CREBZF: variants seen among roughly 807,000 people sequenced by gnomAD.
The protein encoded by CREBZF is HCF-binding transcription factor Zhangfei.
Under a neutral mutation model 21.1 loss-of-function variants are expected in CREBZF, and 8 were observed. That is an observed-to-expected ratio of 0.38 (90% CI 0.22 to 0.68). The LOEUF is 0.68. Among genes scored for constraint, CREBZF ranks in the 30% least tolerant of loss-of-function variants. The probability of loss-of-function intolerance (pLI) is 0.51; values close to 1 mark genes in which losing one functional copy is unlikely to be tolerated. For missense variants in CREBZF, 518 were observed against 484.3 expected, an observed-to-expected ratio of 1.07 and a Z score of -0.65; for synonymous variants, 270 against 223.3, an observed-to-expected ratio of 1.21 and a Z score of -1.86.
At position 85,661,440 on chromosome 11, in the gene CREBZF, T is replaced by C. The variant is rs1398446796; in HGVS notation, c.*2371A>G. The stretch of plus-strand genomic sequence containing the variant: ...ATCCTTCCATTTTCAAAAGTTCTTA[T>C]CAAGTAATTCCAAAAACTGCCATTT... On this transcript the variant is annotated 3_prime_UTR_variant, in exon 1 of 1. Transcript: ENST00000527447. The C allele has an allele frequency of 6.6e-6, 1 of 152,514 alleles. No homozygotes were observed. Among genetic ancestry groups the C allele is most frequent in the Admixed American group, 6.5e-5 (1 of 15,272 alleles). The allele number at this position is 152,514 out of a possible 1,614,324, so 9.4% of individuals were successfully genotyped here.
chr11:85,682,644 T>C, intron 1 of CREBZF: 1 of 273,516 alleles, frequency 3.7e-6, no homozygotes, highest in Non-Finnish European at 6.8e-6. Flanking sequence ...TCTTCCCCCA[T>C]ATAACGTGGA....
intron 1 of CREBZF, among the ~76,000 whole-genome samples, chr11:85,682,220 T>C (rs527648440): frequency 1.3e-5 from 2 of 152,178 alleles, no homozygotes; most frequent in African/African-American, 2.4e-5. Context: ...TAGTCTCCCT[T>C]TTTTTTCATC....
At chr11:85,680,141 C>T (rs555035120) in intron 1 of CREBZF, among the ~76,000 whole-genome samples, 2 of 152,296 alleles carry the variant, frequency 1.3e-5, no homozygotes, top group East Asian at 3.9e-4. Flanking sequence ...CCCCTCTCCT[C>T]CTCTCCCCCT....
rs1248925164 is a variant in CREBZF at position 85,662,325 on chromosome 11, A to G, written c.*1486T>C. ...TGGAAAATACTTTTTAATTATGAACATGTTAAAAATAAAAAACAGCAGAAG... is the reference window on the plus strand; with the variant it reads ...TGGAAAATACTTTTTAATTATGAACGTGTTAAAAATAAAAAACAGCAGAAG... On this transcript the variant is annotated 3_prime_UTR_variant, in exon 1 of 1. Coordinates refer to ENST00000527447, the MANE Select transcript of CREBZF (RefSeq NM_001039618.4). 16 of 687,256 alleles carry G rather than the reference A, an allele frequency of 2.3e-5. No individual in the cohort carries two copies. Among genetic ancestry groups the G allele is most frequent in the Non-Finnish European group, 4.1e-5 (15 of 369,228 alleles). 42.6% of individuals were successfully genotyped at this position (687,256 alleles called of 1,614,324 possible). A position where few individuals can be genotyped will look rare whatever the true frequency, so the allele number is the denominator to read the frequency against.
At chr11:85,670,084 G>T (rs564942582), upstream of CREBZF, among the ~76,000 whole-genome samples, 1 of 152,194 alleles carries the variant, frequency 6.6e-6, no homozygotes, top group South Asian at 2.1e-4. Flanking sequence ...TGGGATTACA[G>T]GTGTGAGCCA....
In CREBZF at chr11:85,664,736, G is replaced by A. The variant is rs778470674; in HGVS notation, c.140C>T (p.Ala47Val). The A allele has an allele frequency of 1.7e-5, 28 of 1,605,330 alleles. No individual in the cohort carries two copies. Among genetic ancestry groups the A allele is most frequent in the Middle Eastern group, 1.8e-4 (1 of 5,452 alleles). The change falls in exon 1 of 1, where the codon GCG (alanine) becomes GTG (valine). Residue 47 changes from alanine (A) to valine (V), a missense_variant. By Grantham distance (64) the Ala-to-Val change is moderately conservative. Transcript: ENST00000527447. The surrounding 1 kb of genome is among the most constrained non-coding windows in gnomAD (Gnocchi z 5.5). The part of the protein sequence containing the change: ...RAAAGEEETA[A>V]AGSPGRKQQF... ...CTGCTTGCGGCCGGGAGATCCGGCC[G>A]CCGCCGTCTCCTCCTCCCCCGCTGC...
intron 1 of CREBZF, among the ~76,000 whole-genome samples, chr11:85,679,820 C>T (rs946366139): frequency 6.6e-6 from 1 of 152,204 alleles, no homozygotes; most frequent in Non-Finnish European, 1.5e-5. Flanking sequence ...TAAAATATGC[C>T]GTGCCTACCC....
chr11:85,680,146 C>T (rs1225195876), intron 1 of CREBZF, among the ~76,000 whole-genome samples: 1 of 152,188 alleles, frequency 6.6e-6, no homozygotes, highest in Non-Finnish European at 1.5e-5. Flanking sequence ...CTCCTCCTCT[C>T]CCCCTTACAC....
chr11:85,682,553 C>T (rs1411677235), intron 1 of CREBZF, among the ~76,000 whole-genome samples: 2 of 152,106 alleles, frequency 1.3e-5, no homozygotes, highest in Admixed American at 6.6e-5. Context: ...CAACTGGGCT[C>T]GTTCCCCTGC....
chr11:85,682,660 TG>T (rs1191440625), intron 1 of CREBZF: 16 of 439,986 alleles, frequency 3.6e-5, no homozygotes, highest in African/African-American at 2.8e-4. Context: ...GTGGAGTCCC[TG>T]GAGCCCACTC....
Position 85,663,418 on chromosome 11 carries a change from A to G in CREBZF, c.*393T>C, listed in dbSNP as rs2082743674. The G allele has an allele frequency of 1.5e-6, 1 of 684,580 alleles. No individual in the cohort carries two copies. Among genetic ancestry groups the G allele is most frequent in the African/African-American group, 1.8e-5 (1 of 54,796 alleles). The allele number at this position is 684,580 out of a possible 1,614,324, so 42.4% of individuals were successfully genotyped here. On this transcript the variant is annotated 3_prime_UTR_variant, in exon 1 of 1. Coordinates refer to ENST00000527447, the MANE Select transcript of CREBZF (RefSeq NM_001039618.4). ...AATTAGATTTCCCTCCCACCTTCCA[A>G]AACAGAAAAAAAAAAAAAAATCACA...
At position 85,660,784 on chromosome 11, in the gene CREBZF, G is replaced by A; in HGVS notation, c.*3027C>T. On this transcript the variant is annotated 3_prime_UTR_variant, in exon 1 of 1. Coordinates refer to ENST00000527447, the MANE Select transcript of CREBZF (RefSeq NM_001039618.4). ...TAAGTCAATATGATAGAAATAGTAG[G>A]TCAAAATATGATGTGTTAGTTCAAT... The A allele has an allele frequency of 3.5e-6, 1 of 285,110 alleles. No homozygotes were observed. Among genetic ancestry groups the A allele is most frequent in the Non-Finnish European group, 6.9e-6 (1 of 145,978 alleles). 17.7% of individuals were successfully genotyped at this position (285,110 alleles called of 1,614,324 possible). A position where few individuals can be genotyped will look rare whatever the true frequency, so the allele number is the denominator to read the frequency against.
chr11:85,659,003 T>G lies in CREBZF; in HGVS notation c.*4808A>C, dbSNP rs1222595177. On this transcript the variant is annotated 3_prime_UTR_variant, in exon 1 of 1. Transcript: ENST00000527447. ...GAGTACTGAGGCTACACAGAGGTAC[T>G]GAAATTCAAATCTGAAAAATACTGT... Among the ~76,000 whole-genome samples, 1 of 152,044 alleles carries G rather than the reference T, an allele frequency of 6.6e-6. No homozygotes were observed. The highest frequency in any genetic ancestry group is 1.5e-5 in the Non-Finnish European group (1 of 67,908).
chr11:85,664,041 G>A lies in CREBZF; in HGVS notation c.835C>T (p.Arg279Cys), dbSNP rs753932211. 1.9e-6 allele frequency: 3 copies of A among 1,613,522 alleles called. No homozygotes were observed. Among genetic ancestry groups the A allele is most frequent in the South Asian group, 2.2e-5 (2 of 91,084 alleles). ...ACGCCGCTCAGCCGGCTCAGCAAGCGAGCCAGTCCAGTCTCGTTGGCTAAG... is the reference window on the plus strand; with the variant it reads ...ACGCCGCTCAGCCGGCTCAGCAAGCAAGCCAGTCCAGTCTCGTTGGCTAAG... ...AVLANETGLA[R>C]LLSRLSGVGL... Residue 279 changes from arginine (R) to cysteine (C), a missense_variant, in exon 1 of 1, where the codon CGC (arginine) becomes TGC (cysteine). By Grantham distance (180) the Arg-to-Cys change is radical. This residue lies in a region of CREBZF where 114 missense variants were observed against 134.1 expected (regional missense o/e 0.85). Transcript: ENST00000527447. The surrounding 1 kb of genome is among the most constrained non-coding windows in gnomAD (Gnocchi z 5.5).
chr11:85,673,701 T>C (rs533400890), intron 1 of CREBZF, among the ~76,000 whole-genome samples: 1 of 152,298 alleles, frequency 6.6e-6, no homozygotes, highest in African/African-American at 2.4e-5. Flanking sequence ...GATTTCTCTA[T>C]AGCACGTGAT....
At chr11:85,682,114 G>A (rs2082979999) in intron 1 of CREBZF, among the ~76,000 whole-genome samples, 1 of 152,194 alleles carries the variant, frequency 6.6e-6, no homozygotes, top group Non-Finnish European at 1.5e-5. Context: ...TAAACCAGGT[G>A]TGGGGGCCTG....
chr11:85,676,184 AG>A (rs2082941103), intron 1 of CREBZF, among the ~76,000 whole-genome samples: 1 of 152,226 alleles, frequency 6.6e-6, no homozygotes. Context: ...TTGCTGCTTC[AG>A]TGGAGGAAAG....
chr11:85,680,116 GT>G (rs1006322393), intron 1 of CREBZF, among the ~76,000 whole-genome samples: 3 of 152,114 alleles, frequency 2.0e-5, no homozygotes, highest in Non-Finnish European at 1.5e-5. Flanking sequence ...AGCTGGAAAT[GT>G]TTGCATGCTA....
upstream of CREBZF, among the ~76,000 whole-genome samples, chr11:85,669,640 G>C (rs899584948): frequency 1.4e-4 from 21 of 152,300 alleles, no homozygotes; most frequent in African/African-American, 4.8e-4. Flanking sequence ...AGATTGGATA[G>C]TCAATGGACA....
Sources: gnomAD v4.1 joint callset for allele counts (sites outside exome capture counted in the v4.1 genomes callset) on GRCh38, gnomAD v4.1.1 for gene constraint, gnomAD v4.1.1 regional missense constraint, Gnocchi (gnomAD v3.1) non-coding constraint, MANE v1.5 for transcripts, NCBI Gene and HGNC (gene_info 2026-07-23, HGNC 2026-07-21) for gene names.